Variants in WFDC6 observed in about 807,000 individuals in gnomAD.
WFDC6 encodes the protein WAP four-disulfide core domain 6.
WFDC6 carries 10 observed loss-of-function variants against 8.2 expected under a neutral mutation model. That is an observed-to-expected ratio of 1.22 (90% CI 0.75 to 2.07). The LOEUF (loss-of-function observed/expected upper bound fraction) is 2.07. Ranked by LOEUF, WFDC6 falls within the 30% of genes most tolerant of loss-of-function variation. WFDC6 has a pLI of 0.00. For missense variants in WFDC6, 105 were observed against 104.9 expected, an observed-to-expected ratio of 1.00 and a Z score of 0.00; for synonymous variants, 28 against 37.0, an observed-to-expected ratio of 0.76 and a Z score of 0.88.
intron 2 of WFDC6, chr20:45,536,989 C>T (rs958842687): frequency 1.9e-5 from 3 of 157,164 alleles, no homozygotes; most frequent in African/African-American, 7.2e-5. Context: ...TGGAAGGCCA[C>T]ACATTTGAGG....
At chr20:45,536,619 C>T (rs1439308028) in intron 2 of WFDC6, among the ~76,000 whole-genome samples, 1 of 152,184 alleles carries the variant, frequency 6.6e-6, no homozygotes, top group Non-Finnish European at 1.5e-5. Flanking sequence ...AGACCAGATC[C>T]CTTACCAGCT....
rs772113924 is a variant in WFDC6, at chr20:45,539,431, A to G, written c.-24T>C. On this transcript the variant is annotated 5_prime_UTR_variant, in exon 1 of 3. Coordinates refer to ENST00000372670, the MANE Select transcript of WFDC6 (RefSeq NM_080827.2). Reference sequence around the variant, plus strand: ...ATTTTAGGAAGTACTGGCCTGGTTGATGGCACCAAAACTAAGAACTGCTCC... The same window carrying G: ...ATTTTAGGAAGTACTGGCCTGGTTGGTGGCACCAAAACTAAGAACTGCTCC... 4 of 1,609,426 alleles carry G rather than the reference A, an allele frequency of 2.5e-6. No individual in the cohort carries two copies. The highest frequency in any genetic ancestry group is 2.6e-6 in the Non-Finnish European group (3 of 1,175,954).
intron 2 of WFDC6, among the ~76,000 whole-genome samples, chr20:45,536,582 T>C (rs1979374622): frequency 1.3e-5 from 2 of 152,174 alleles, no homozygotes; most frequent in East Asian, 1.9e-4. Flanking sequence ...GATTTGAACA[T>C]AGGTTAATCC....
At chr20:45,536,571 G>A (rs913434770) in intron 2 of WFDC6, among the ~76,000 whole-genome samples, 3 of 152,124 alleles carry the variant, frequency 2.0e-5, no homozygotes, top group South Asian at 2.1e-4. Context: ...AGATGGTAAG[G>A]GATTTGAACA....
chr20:45,535,394 C>G, intron 2 of WFDC6: 1 of 1,228,264 alleles, frequency 8.1e-7, no homozygotes, highest in Non-Finnish European at 1.0e-6. Flanking sequence ...TCCATCTCTC[C>G]CCTTCTCTGG....
Position 45,538,069 on chromosome 20 carries a change from T to A in WFDC6, c.117A>T (p.Glu39Asp). 1 of 1,613,944 alleles carries A rather than the reference T, an allele frequency of 6.2e-7. No individual in the cohort carries two copies. The highest frequency in any genetic ancestry group is 1.1e-5 in the South Asian group (1 of 91,068). ...LGKPCPKIKV[E>D]CEVEEIDQCT... ...ACTGGTCTATTTCTTCCACTTCGCA[T>A]TCCACTTTGATTTTGGGACACGGCT... is the stretch of plus-strand genomic sequence containing the variant. The change falls in exon 2 of 3, where the codon GAA becomes GAT. Residue 39 changes from glutamate (E) to aspartate (D), a missense_variant. Physicochemically the swap from Glu to Asp is conservative, Grantham distance 45. Coordinates refer to ENST00000372670, the MANE Select transcript of WFDC6 (RefSeq NM_080827.2).
Position 45,537,498 on chromosome 20 carries a change from G to C in WFDC6, c.222+466C>G, listed in dbSNP as rs1024172509. 3 of 1,542,246 alleles carry C rather than the reference G, an allele frequency of 1.9e-6. No homozygotes were observed. The African/African-American group carries it at 4.1e-5, about 21-fold the overall frequency. On this transcript the variant is annotated intron_variant, in intron 2 of 2. Transcript: ENST00000372670. ...ATATGGGCAGAGAAGAAAGAGTGTA[G>C]GCGGTCTAAGGTGGTCAGGGAAGGC...
chr20:45,537,916 G>A, intron 2 of WFDC6, 48 bp downstream of exon 2: 4 of 1,613,140 alleles, frequency 2.5e-6, no homozygotes, highest in Non-Finnish European at 2.5e-6. Context: ...AGTGCAGGTG[G>A]AGATAGGAGG....
At chr20:45,536,560 C>T (rs2145542524) in intron 2 of WFDC6, among the ~76,000 whole-genome samples, 1 of 152,340 alleles carries the variant, frequency 6.6e-6, no homozygotes, top group Admixed American at 6.5e-5. Flanking sequence ...TGAGGCCACA[C>T]AGATGGTAAG....
Position 45,534,392 on chromosome 20 carries a change from C to T in WFDC6, c.*75G>A. 1.3e-6 allele frequency: 2 copies of T among 1,580,996 alleles called. No homozygotes were observed. The highest frequency in any genetic ancestry group is 1.7e-6 in the Non-Finnish European group (2 of 1,150,100). On this transcript the variant is annotated 3_prime_UTR_variant, in exon 3 of 3. Transcript: ENST00000372670. Reference sequence around the variant, plus strand: ...AGTTTCTGGAACAGCCAAGGTTTGGCCCGTGGAAGCCAATTTGGAGCATCA... The same window carrying T: ...AGTTTCTGGAACAGCCAAGGTTTGGTCCGTGGAAGCCAATTTGGAGCATCA...
intron 2 of WFDC6, chr20:45,537,287 T>C (rs1568986510): frequency 1.8e-6 from 1 of 545,950 alleles, no homozygotes; most frequent in Non-Finnish European, 3.3e-6. Context: ...TTTCTTCCCA[T>C]TTTTGGTCTA....
chr20:45,539,360 C>T lies in WFDC6; in HGVS notation c.48G>A (p.Leu16=), dbSNP rs1979496520. 7 of 1,613,942 alleles carry T rather than the reference C, an allele frequency of 4.3e-6. No individual in the cohort carries two copies. The highest frequency in any genetic ancestry group is 5.1e-6 in the Non-Finnish European group (6 of 1,179,872). The change falls in exon 1 of 3, where the codon TTG becomes TTA. Residue 16 remains leucine (L), a synonymous_variant. Transcript: ENST00000372670. ...CGTGCCCAGGTTCCTGGATGTCCCC[C>T]AAAAGGATGAATGGTACCAGGATTG... ...LLPILVPFIL[L]GDIQEPGHAE... is the part of the protein sequence containing the mutation.
At chr20:45,538,406 A>G (rs964102721) in intron 1 of WFDC6, among the ~76,000 whole-genome samples, 2 of 152,184 alleles carry the variant, frequency 1.3e-5, no homozygotes, top group South Asian at 4.1e-4. Flanking sequence ...TTGCTCCCCC[A>G]GGAGGTGCTG....
rs45452191 is a variant in WFDC6, at chr20:45,539,423, C to T, written c.-16G>A. The T allele has an allele frequency of 6.2e-7, 1 of 1,612,040 alleles. No individual in the cohort carries two copies. The highest frequency in any genetic ancestry group is 1.3e-5 in the African/African-American group (1 of 74,830). ...AGAGTCCCATTTTAGGAAGTACTGGCCTGGTTGATGGCACCAAAACTAAGA... is the reference window on the plus strand; with the variant it reads ...AGAGTCCCATTTTAGGAAGTACTGGTCTGGTTGATGGCACCAAAACTAAGA... On this transcript the variant is annotated 5_prime_UTR_variant, in exon 1 of 3. Transcript: ENST00000372670.
chr20:45,537,529 G>C, intron 2 of WFDC6: 2 of 1,549,656 alleles, frequency 1.3e-6, no homozygotes, highest in Admixed American at 3.9e-5. Context: ...AAGGCATCCT[G>C]GATTTATGTA....
chr20:45,535,449 G>T (rs1208018245), intron 2 of WFDC6: 2 of 1,136,750 alleles, frequency 1.8e-6, no homozygotes, highest in African/African-American at 1.6e-5. Context: ...TTGCCTCAGG[G>T]CTCTGTTCCC....
At chr20:45,534,841 A>C (rs1216305292) in intron 2 of WFDC6, among the ~76,000 whole-genome samples, 3 of 152,200 alleles carry the variant, frequency 2.0e-5, no homozygotes, top group African/African-American at 7.2e-5. Context: ...AGTGAGAAGT[A>C]AAGGACTATA....
chr20:45,537,735 G>A (rs772524337), intron 2 of WFDC6, among the ~76,000 whole-genome samples: 1 of 152,072 alleles, frequency 6.6e-6, no homozygotes, highest in Non-Finnish European at 1.5e-5. Context: ...GGAAACTGAG[G>A]CCCAGAAAGG....
chr20:45,534,966 A>G (rs556674455), intron 2 of WFDC6, among the ~76,000 whole-genome samples: 2 of 152,282 alleles, frequency 1.3e-5, no homozygotes, highest in East Asian at 3.9e-4. Flanking sequence ...TACTCACCTC[A>G]TACTTGCCAA....
Sources: allele counts gnomAD v4.1 joint callset (sites outside exome capture counted in the v4.1 genomes callset), GRCh38; gene constraint gnomAD v4.1.1; transcripts MANE v1.5; gene names NCBI Gene and HGNC (gene_info 2026-07-23, HGNC 2026-07-21).